Variants in NOL4 observed in about 807,000 individuals in gnomAD.
NOL4 encodes nucleolar protein 4.
Under a neutral mutation model 75.9 loss-of-function variants are expected in NOL4, and 17 were observed. That is an observed-to-expected ratio of 0.22 (90% CI 0.15 to 0.34). The LOEUF (loss-of-function observed/expected upper bound fraction) is 0.34, where lower values mean the gene tolerates loss of function less well. Among genes scored for constraint, NOL4 ranks in the 10% least tolerant of loss-of-function variants. The pLI is 1.00. For synonymous variants in NOL4, 292 were observed against 289.9 expected, an observed-to-expected ratio of 1.01 and a Z score of -0.07; for missense variants, 614 against 793.5, an observed-to-expected ratio of 0.77 and a Z score of 2.72.
chr18:34,184,452 A>C (rs2034299243), intron 1 of NOL4, among the ~76,000 whole-genome samples: 1 of 152,112 alleles, frequency 6.6e-6, no homozygotes, highest in Non-Finnish European at 1.5e-5. Flanking sequence ...AGTTGTTGCC[A>C]CTACTTTGAC....
At chr18:34,103,714 A>G (rs1390398682) in intron 4 of NOL4, among the ~76,000 whole-genome samples, 1 of 152,096 alleles carries the variant, frequency 6.6e-6, no homozygotes, top group South Asian at 2.1e-4. Context: ...TAGAATCTCA[A>G]TTATTTCGGA....
chr18:34,063,050 G>A (rs1465853912), intron 5 of NOL4, among the ~76,000 whole-genome samples: 2 of 152,062 alleles, frequency 1.3e-5, no homozygotes, highest in Non-Finnish European at 1.5e-5. Context: ...AAAAGGTAGA[G>A]AAGAGTGATT....
intron 1 of NOL4, among the ~76,000 whole-genome samples, chr18:34,201,168 A>G (rs2035712053): frequency 6.6e-6 from 1 of 151,758 alleles, no homozygotes; most frequent in Non-Finnish European, 1.5e-5. Context: ...GGTTTTTTAC[A>G]TTATCATTTC....
At chr18:34,073,782 TA>T (rs1338891313) in intron 5 of NOL4, among the ~76,000 whole-genome samples, 3 of 151,728 alleles carry the variant, frequency 2.0e-5, no homozygotes, top group Non-Finnish European at 4.4e-5. Context: ...TGCAATCAAA[TA>T]AAAAACTAGG....
chr18:33,953,165 C>T (rs1242452961), intron 8 of NOL4, among the ~76,000 whole-genome samples: 1 of 134,256 alleles, frequency 7.4e-6, no homozygotes. Context: ...TGAAAATTGT[C>T]TAACGAGATG....
intron 6 of NOL4, among the ~76,000 whole-genome samples, chr18:33,987,817 T>A (rs17816575): frequency 0.15 from 23,543 of 151,926 alleles, 2,274 homozygotes; most frequent in East Asian, 0.38. Flanking sequence ...TAGCAGTAGG[T>A]AGGCACCAGT....
chr18:34,222,346 G>A, intron 1 of NOL4: 1 of 1,267,258 alleles, frequency 7.9e-7, no homozygotes, highest in Non-Finnish European at 9.9e-7. Context: ...AAGGGAATGG[G>A]GGGGCGGGGA....
chr18:33,883,489 T>C (rs1568003926), intron 9 of NOL4, 65 bp from the exon 10 acceptor site: 28 of 1,252,278 alleles, frequency 2.2e-5, no homozygotes, highest in Non-Finnish European at 2.6e-5. Flanking sequence ...TGAACAGGAC[T>C]ACCTTATTGT....
intron 6 of NOL4, among the ~76,000 whole-genome samples, chr18:33,988,873 T>G (rs2072691474): frequency 6.6e-6 from 1 of 151,968 alleles, no homozygotes; most frequent in East Asian, 1.9e-4. Context: ...ATTTGGAAAT[T>G]TTTATCAAGT....
At chr18:33,894,243 G>T (rs1011793601) in intron 9 of NOL4, among the ~76,000 whole-genome samples, 2 of 152,008 alleles carry the variant, frequency 1.3e-5, no homozygotes, top group Non-Finnish European at 2.9e-5. Context: ...ATGCTTTTCT[G>T]CTAAGAAAAA....
chr18:33,878,846 T>C (rs2064086946), intron 10 of NOL4, among the ~76,000 whole-genome samples: 1 of 152,158 alleles, frequency 6.6e-6, no homozygotes, highest in Non-Finnish European at 1.5e-5. Context: ...TACATCTGTG[T>C]CTACTTTGAC....
chr18:34,155,877 A>G (rs549489377), intron 1 of NOL4, among the ~76,000 whole-genome samples: 16 of 152,274 alleles, frequency 1.1e-4, no homozygotes, highest in African/African-American at 3.8e-4. Flanking sequence ...TAAAAACTTC[A>G]TATCCATTTT....
intron 1 of NOL4, among the ~76,000 whole-genome samples, chr18:34,161,669 A>G (rs2031504892): frequency 6.6e-6 from 1 of 151,892 alleles, no homozygotes; most frequent in Non-Finnish European, 1.5e-5. Context: ...TATTCAGATC[A>G]TTTGCCCATT....
chr18:33,992,757 C>A (rs2073014648), intron 6 of NOL4, among the ~76,000 whole-genome samples: 1 of 151,972 alleles, frequency 6.6e-6, no homozygotes, highest in African/African-American at 2.4e-5. Flanking sequence ...TTCAATCAGG[C>A]TTCACTCATA....
chr18:34,107,438 C>G (rs1175141372), intron 2 of NOL4, among the ~76,000 whole-genome samples: 3 of 151,924 alleles, frequency 2.0e-5, no homozygotes, highest in Admixed American at 6.6e-5. Flanking sequence ...ATGTCACTAT[C>G]TATTACATAA....
In NOL4 at chr18:33,969,288, G is replaced by A. The variant is rs539614464; in HGVS notation, c.1057-10870C>T. 4.5e-4 allele frequency among the ~76,000 whole-genome samples: 69 copies of A among 151,888 alleles called. 1 individual carries two copies. The highest frequency in any genetic ancestry group is 7.7e-4 in the Non-Finnish European group (52 of 67,960). ...TTCCTCCTAAAGAAATATTACCTTCGATATGGACTGAAGTTTATTGCAACT... is the reference window on the plus strand; with the variant it reads ...TTCCTCCTAAAGAAATATTACCTTCAATATGGACTGAAGTTTATTGCAACT... On this transcript the variant is annotated intron_variant, in intron 6 of 10. Coordinates refer to ENST00000261592, the MANE Select transcript of NOL4 (RefSeq NM_003787.5).
At chr18:33,879,819 A>C (rs2064151392) in intron 10 of NOL4, among the ~76,000 whole-genome samples, 1 of 152,082 alleles carries the variant, frequency 6.6e-6, no homozygotes, top group Admixed American at 6.6e-5. Context: ...CAGTGCACTA[A>C]ATAGCCTTGA....
intron 5 of NOL4, among the ~76,000 whole-genome samples, chr18:34,067,979 C>T (rs954226667): frequency 6.0e-5 from 9 of 151,184 alleles, no homozygotes; most frequent in African/African-American, 2.2e-4. Flanking sequence ...TATAAAACAA[C>T]AAAAACCATC....
At chr18:34,111,621 T>C (rs1301772523) in intron 2 of NOL4, among the ~76,000 whole-genome samples, 1 of 152,142 alleles carries the variant, frequency 6.6e-6, no homozygotes, top group Non-Finnish European at 1.5e-5. Flanking sequence ...TTTTAAATTA[T>C]CCAGTCTAGA....
Sources: gnomAD v4.1 joint callset for allele counts (sites outside exome capture counted in the v4.1 genomes callset) on GRCh38, gnomAD v4.1.1 for gene constraint, MANE v1.5 for transcripts, NCBI Gene and HGNC (gene_info 2026-07-23, HGNC 2026-07-21) for gene names.